The following ANO2 variants were observed in gnomAD, a reference collection of about 807,000 sequenced individuals.
The protein encoded by ANO2 is anoctamin-2.
Under a neutral mutation model 124.2 loss-of-function variants are expected in ANO2, and 101 were observed. The ratio of observed to expected loss-of-function variants is 0.81; its 90% confidence interval spans 0.69 to 0.96. ANO2 has a LOEUF of 0.96. Among genes scored for constraint, ANO2 ranks in the 40% least tolerant of loss-of-function variants. The pLI is 0.00. For synonymous variants in ANO2, 486 were observed against 482.5 expected (o/e 1.01, Z -0.09); for missense variants, 1,293 against 1,274.5 (o/e 1.01, Z -0.22).
intron 10 of ANO2, among the ~76,000 whole-genome samples, chr12:5,757,826 T>C (rs949847709): frequency 6.6e-6 from 1 of 152,162 alleles, no homozygotes; most frequent in Non-Finnish European, 1.5e-5. Flanking sequence ...GAGGATGCGA[T>C]AGTCCCTGTA....
chr12:5,809,363 T>C (rs1301557515), intron 7 of ANO2, among the ~76,000 whole-genome samples: 2 of 152,118 alleles, frequency 1.3e-5, no homozygotes, highest in Non-Finnish European at 2.9e-5. Context: ...TGGATAGAGG[T>C]TGAAGCATCA....
At chr12:5,903,646 GATGT>G (rs1940466033) in intron 3 of ANO2, among the ~76,000 whole-genome samples, 1 of 78,658 alleles carries the variant, frequency 1.3e-5, no homozygotes. Context: ...GATGTGCAAA[GATGT>G]GTGTGTGTGT....
intron 16 of ANO2, among the ~76,000 whole-genome samples, chr12:5,631,200 G>A (rs895666777): frequency 1.3e-5 from 2 of 152,228 alleles, no homozygotes; most frequent in African/African-American, 4.8e-5. Context: ...AGATCAGACA[G>A]TACCTGATCA....
At position 5,658,112 on chromosome 12, in the gene ANO2, C is replaced by T. The variant is rs1352862479; in HGVS notation, c.1546-10311G>A. On this transcript the variant is annotated intron_variant, in intron 14 of 24. Transcript: ENST00000682330. The surrounding 1 kb of genome is among the most constrained non-coding windows in gnomAD (Gnocchi z 4.3). ...TCTTCCTTGCTGGAGGGCATCTCAC[C>T]ATGTCCTGGGAATACTGCAGTATGG... Among the ~76,000 whole-genome samples, 1 of 152,132 alleles carries T rather than the reference C, an allele frequency of 6.6e-6. No individual in the cohort carries two copies. The highest frequency in any genetic ancestry group is 1.5e-5 in the Non-Finnish European group (1 of 68,016).
intron 14 of ANO2, among the ~76,000 whole-genome samples, chr12:5,722,137 C>A (rs1950256509): frequency 6.6e-6 from 1 of 152,152 alleles, no homozygotes; most frequent in Non-Finnish European, 1.5e-5. Flanking sequence ...GCTTCCTGTT[C>A]CACAATGATT....
intron 10 of ANO2, among the ~76,000 whole-genome samples, chr12:5,786,887 T>C (rs1006636051): frequency 2.6e-5 from 4 of 152,136 alleles, no homozygotes; most frequent in African/African-American, 9.7e-5. Flanking sequence ...GACAATTCAA[T>C]TAGATCATGC....
At chr12:5,919,701 T>TA (rs1178926283) in intron 3 of ANO2, among the ~76,000 whole-genome samples, 1 of 150,840 alleles carries the variant, frequency 6.6e-6, no homozygotes, top group East Asian at 2.0e-4. Context: ...GGAAGGTCAT[T>TA]TTTTTTTCTT....
intron 10 of ANO2, among the ~76,000 whole-genome samples, chr12:5,751,915 C>T (rs1951453267): frequency 6.6e-6 from 1 of 152,120 alleles, no homozygotes; most frequent in Non-Finnish European, 1.5e-5. Flanking sequence ...AACCACTATT[C>T]TATTCTTTGG....
At chr12:5,892,621 T>C (rs1591753431) in intron 3 of ANO2, among the ~76,000 whole-genome samples, 1 of 152,206 alleles carries the variant, frequency 6.6e-6, no homozygotes, top group East Asian at 1.9e-4. Flanking sequence ...CAGAAGGTAG[T>C]GGAGCAACAT....
intron 10 of ANO2, among the ~76,000 whole-genome samples, chr12:5,758,926 T>C (rs1218023903): frequency 6.6e-6 from 1 of 152,184 alleles, no homozygotes; most frequent in African/African-American, 2.4e-5. Flanking sequence ...CAATAGGGAT[T>C]TTTAAATAAC....
At chr12:5,594,987 C>T (rs1283610620) in intron 20 of ANO2, among the ~76,000 whole-genome samples, 1 of 152,214 alleles carries the variant, frequency 6.6e-6, no homozygotes, top group African/African-American at 2.4e-5. Context: ...ATTACTAAAT[C>T]AACCTCCCAC....
chr12:5,902,465 C>A lies in ANO2; in HGVS notation c.534+18575G>T, dbSNP rs552215510. On this transcript the variant is annotated intron_variant, in intron 3 of 24. Coordinates refer to ENST00000682330, the MANE Select transcript of ANO2 (RefSeq NM_001364791.2). ...ATTAGCTAGGCATGGTGACATGTGC[C>A]TATAGTTCCAGCTACCCAGGAGGCC... is the stretch of plus-strand genomic sequence containing the variant. Among the ~76,000 whole-genome samples, 3 of 148,940 alleles carry A rather than the reference C, an allele frequency of 2.0e-5. No individual in the cohort carries two copies. In the South Asian group the frequency reaches 6.7e-4, roughly 33 times the overall value.
chr12:5,856,852 A>G (rs1389855839), intron 3 of ANO2, among the ~76,000 whole-genome samples: 1 of 152,212 alleles, frequency 6.6e-6, no homozygotes, highest in Non-Finnish European at 1.5e-5. Context: ...ACGAATGCAA[A>G]ATCGTTTCCC....
intron 19 of ANO2, among the ~76,000 whole-genome samples, chr12:5,601,313 T>C (rs1000896922): frequency 1.3e-5 from 2 of 152,180 alleles, no homozygotes; most frequent in South Asian, 4.1e-4. Flanking sequence ...TATATCATTG[T>C]TCCTATTATC....
At chr12:5,945,554 A>G (rs1248247238), upstream of ANO2, among the ~76,000 whole-genome samples, 1 of 152,250 alleles carries the variant, frequency 6.6e-6, no homozygotes, top group African/African-American at 2.4e-5. Flanking sequence ...GCAACGCCCC[A>G]CAACCTGCTT....
At chr12:5,762,370 A>G in intron 10 of ANO2, among the ~76,000 whole-genome samples, 1 of 152,036 alleles carries the variant, frequency 6.6e-6, no homozygotes, top group East Asian at 1.9e-4. Flanking sequence ...GAAATTATGA[A>G]AAGTGTATTT....
intron 4 of ANO2, among the ~76,000 whole-genome samples, chr12:5,843,969 A>G (rs930007916): frequency 5.9e-5 from 9 of 152,254 alleles, no homozygotes; most frequent in African/African-American, 2.2e-4. Context: ...GACCTGAAGC[A>G]GCTGAAGAAA....
rs1266481656 is a variant in ANO2, at chr12:5,599,594, T to C, written c.2123A>G (p.Glu708Gly). ...AGAGTCAGTTTCTCCAGCTTCGGTC[T>C]CATCTTTCAGCTTTCGAAATAGTTT... ...LKKLFRKLKDETEAGETDSAH... is the reference protein window; with the variant it reads ...LKKLFRKLKDGTEAGETDSAH... The change falls in exon 20 of 25, where the codon GAG (glutamate) becomes GGG (glycine). Residue 708 changes from glutamate (E) to glycine (G), a missense_variant. Coordinates refer to ENST00000682330, the MANE Select transcript of ANO2 (RefSeq NM_001364791.2). 6 of 1,613,732 alleles carry C rather than the reference T, an allele frequency of 3.7e-6. No homozygotes were observed. Among genetic ancestry groups the C allele is most frequent in the Non-Finnish European group, 5.1e-6 (6 of 1,179,834 alleles).
chr12:5,827,619 G>A, intron 7 of ANO2, 150 bp downstream of exon 7: 1 of 921,426 alleles, frequency 1.1e-6, no homozygotes. Context: ...TGGGGCCAAG[G>A]CAGGCTTCTC....
Sources: gnomAD v4.1 joint callset for allele counts (sites outside exome capture counted in the v4.1 genomes callset) on GRCh38, gnomAD v4.1.1 for gene constraint, Gnocchi (gnomAD v3.1) non-coding constraint, MANE v1.5 for transcripts, NCBI Gene and HGNC (gene_info 2026-07-23, HGNC 2026-07-21) for gene names.